PXK: variants seen among roughly 807,000 people sequenced by gnomAD.
PXK encodes the protein PX domain containing serine/threonine kinase like.
A neutral mutation model predicts 84.7 loss-of-function variants in PXK; 35 were observed. That is an observed-to-expected ratio of 0.41 (90% CI 0.32 to 0.55). The LOEUF (loss-of-function observed/expected upper bound fraction) is 0.55, where lower values mean the gene tolerates loss of function less well. Ranked by LOEUF, PXK falls within the 20% of genes least tolerant of loss-of-function variation. The pLI is 0.21. For missense variants in PXK, 634 were observed against 699.7 expected, an observed-to-expected ratio of 0.91 and a Z score of 1.06; for synonymous variants, 253 against 260.8, an observed-to-expected ratio of 0.97 and a Z score of 0.29.
intron 1 of PXK, among the ~76,000 whole-genome samples, chr3:58,339,229 TTTTTTTTTG>T (rs1483026734): frequency 6.3e-5 from 9 of 143,194 alleles, no homozygotes; most frequent in African/African-American, 1.7e-4. Context: ...TTTTTTTTTG[TTTTTTTTTG>T]TTTTTTTTTT....
At chr3:58,335,257 G>A (rs11713310) in intron 1 of PXK, among the ~76,000 whole-genome samples, 98,628 of 151,968 alleles carry the variant, frequency 0.65, 32,504 homozygotes, top group East Asian at 1. Context: ...ACAAAAGACA[G>A]TGACTCACAG....
chr3:58,352,692 T>A (rs2108080336), intron 1 of PXK, among the ~76,000 whole-genome samples: 1 of 152,306 alleles, frequency 6.6e-6, no homozygotes, highest in East Asian at 1.9e-4. Context: ...CTGCAGGAAG[T>A]GGCTATTTAA....
chr3:58,334,959 CTGTGTG>C (rs1160895291), intron 1 of PXK, among the ~76,000 whole-genome samples: 15 of 125,642 alleles, frequency 1.2e-4, no homozygotes, highest in South Asian at 7.9e-4. Context: ...GTGTGTGTGT[CTGTGTG>C]TGTGTGTGTG....
rs1215312506 is a variant in PXK at position 58,411,471 on chromosome 3, A to G, written c.1465+1312A>G. ...GTGGCTGGTGGGTAGTTTCAGTTGGAAGCCTATCTTCGCCATGGTTGATGG... is the reference window on the plus strand; with the variant it reads ...GTGGCTGGTGGGTAGTTTCAGTTGGGAGCCTATCTTCGCCATGGTTGATGG... On this transcript the variant is annotated intron_variant, in intron 16 of 17. Transcript: ENST00000356151. This position sits in a 1 kb window ranked among gnomAD's most constrained non-coding sequence, Gnocchi z 4.2. Among the ~76,000 whole-genome samples the G allele has an allele frequency of 6.6e-6, 1 of 152,140 alleles. No individual in the cohort carries two copies. Among genetic ancestry groups the G allele is most frequent in the Non-Finnish European group, 1.5e-5 (1 of 68,016 alleles).
At chr3:58,335,091 G>A (rs2097570723) in intron 1 of PXK, among the ~76,000 whole-genome samples, 1 of 151,078 alleles carries the variant, frequency 6.6e-6, no homozygotes, top group African/African-American at 2.4e-5. Context: ...GTCCAGGCTG[G>A]TCTGGAACGC....
chr3:58,396,192 T>C (rs1438889772), intron 9 of PXK, among the ~76,000 whole-genome samples: 1 of 152,180 alleles, frequency 6.6e-6, no homozygotes, highest in Non-Finnish European at 1.5e-5. Flanking sequence ...ACCTTATCAG[T>C]AATAACCAAT....
At chr3:58,351,820 T>A (rs2097932306) in intron 1 of PXK, among the ~76,000 whole-genome samples, 1 of 151,948 alleles carries the variant, frequency 6.6e-6, no homozygotes, top group Non-Finnish European at 1.5e-5. Context: ...CTTTTTGTTT[T>A]TTCTGGGTGC....
intron 1 of PXK, among the ~76,000 whole-genome samples, chr3:58,335,959 A>G (rs2097582634): frequency 6.8e-6 from 1 of 147,122 alleles, no homozygotes; most frequent in African/African-American, 2.5e-5. Flanking sequence ...CGTTAAACAC[A>G]TTAGAGGGCG....
rs761732682 is a variant in PXK at position 58,412,009 on chromosome 3, C to A, written c.1466-892C>A. Among the ~76,000 whole-genome samples the A allele has an allele frequency of 6.6e-6, 1 of 152,124 alleles. No individual in the cohort carries two copies. Among genetic ancestry groups the A allele is most frequent in the Admixed American group, 6.5e-5 (1 of 15,278 alleles). ...CTGTGGGTAGTGAGGGAAGTGATGG[C>A]TGGGGCCTTAACCACACCAGCTCTG... On this transcript the variant is annotated intron_variant, in intron 16 of 17. Coordinates refer to ENST00000356151, the MANE Select transcript of PXK (RefSeq NM_017771.5). This position sits in a 1 kb window ranked among gnomAD's most constrained non-coding sequence, Gnocchi z 6.2.
At chr3:58,349,007 A>G (rs1189316418) in intron 1 of PXK, among the ~76,000 whole-genome samples, 1 of 152,146 alleles carries the variant, frequency 6.6e-6, no homozygotes. Flanking sequence ...CTCAATTGGG[A>G]CTAGCCACAT....
chr3:58,335,974 TGCAA>T (rs1490995344), intron 1 of PXK, among the ~76,000 whole-genome samples: 2 of 146,942 alleles, frequency 1.4e-5, no homozygotes, highest in Non-Finnish European at 3.0e-5. Context: ...AGGGCGTTAT[TGCAA>T]GCAAGCTCAT....
At position 58,383,381 on chromosome 3, in the gene PXK, A is replaced by G. The variant is rs529511064; in HGVS notation, c.388+681A>G. Among the ~76,000 whole-genome samples the G allele has an allele frequency of 2.0e-5, 3 of 152,322 alleles. No individual in the cohort carries two copies. The East Asian group carries it at 5.8e-4, about 29-fold the overall frequency. ...GACCTCTAATCAACACCTTATACAT[A>G]CAATAATCTTAATCTGATTTGTATT... On this transcript the variant is annotated intron_variant, in intron 4 of 17. Coordinates refer to ENST00000356151, the MANE Select transcript of PXK (RefSeq NM_017771.5). The surrounding 1 kb of genome is among the most constrained non-coding windows in gnomAD (Gnocchi z 4.0).
At position 58,332,900 on chromosome 3, in the gene PXK, C is replaced by A; in HGVS notation, c.-89C>A. ...CGCGTGGGGCGGCGCGTGTTGACAG[C>A]GGCGGCGGTGGAACCGGGCGGGCGG... On this transcript the variant is annotated 5_prime_UTR_variant, in exon 1 of 18. Transcript: ENST00000356151. This position sits in a 1 kb window ranked among gnomAD's most constrained non-coding sequence, Gnocchi z 5.6. 2.5e-6 allele frequency: 2 copies of A among 809,548 alleles called. No homozygotes were observed. Among genetic ancestry groups the A allele is most frequent in the Non-Finnish European group, 3.2e-6 (2 of 620,666 alleles). The allele number at this position is 809,548 out of a possible 1,614,324, so 50.1% of individuals were successfully genotyped here.
chr3:58,378,071 T>G (rs1045915980), intron 3 of PXK, among the ~76,000 whole-genome samples: 1 of 152,156 alleles, frequency 6.6e-6, no homozygotes, highest in African/African-American at 2.4e-5. Flanking sequence ...AACCGTAAGT[T>G]TATTTTCTGG....
intron 3 of PXK, among the ~76,000 whole-genome samples, chr3:58,372,603 TGTGCCCAGC>T (rs2098391571): frequency 6.7e-6 from 1 of 150,368 alleles, no homozygotes; most frequent in Non-Finnish European, 1.5e-5. Flanking sequence ...ATTACAGGAG[TGTGCCCAGC>T]AAAAGCTGCA....
intron 4 of PXK, among the ~76,000 whole-genome samples, chr3:58,384,615 A>G (rs1039585361): frequency 1.1e-4 from 17 of 152,100 alleles, no homozygotes; most frequent in African/African-American, 3.1e-4. Flanking sequence ...ATTGTTCCCA[A>G]AATTGTCAGA....
At chr3:58,402,554 C>T (rs1281459473) in intron 12 of PXK, among the ~76,000 whole-genome samples, 4 of 151,294 alleles carry the variant, frequency 2.6e-5, no homozygotes, top group South Asian at 2.1e-4. Context: ...CTCAGCCTCC[C>T]GAGTAGCTGG....
chr3:58,421,338 T>C lies in PXK; in HGVS notation c.1529-3414T>C. 1.0e-6 allele frequency: 1 copy of C among 979,610 alleles called. No individual in the cohort carries two copies. Among genetic ancestry groups the C allele is most frequent in the Middle Eastern group, 5.3e-4 (1 of 1,898 alleles). 60.7% of individuals were successfully genotyped at this position (979,610 alleles called of 1,614,324 possible). A position where few individuals can be genotyped will look rare whatever the true frequency, so the allele number is the denominator to read the frequency against. On this transcript the variant is annotated intron_variant, in intron 17 of 17. Coordinates refer to ENST00000356151, the MANE Select transcript of PXK (RefSeq NM_017771.5). This position sits in a 1 kb window ranked among gnomAD's most constrained non-coding sequence, Gnocchi z 5.5. ...GGCTCACATCTATAATCTCAGCACT[T>C]TGGGAGGCTGAGGCGGGCGGATCAC...
chr3:58,417,289 A>G (rs1299782963), intron 17 of PXK, among the ~76,000 whole-genome samples: 1 of 152,230 alleles, frequency 6.6e-6, no homozygotes, highest in African/African-American at 2.4e-5. Flanking sequence ...GCAATAGATC[A>G]GCAGCAATAG....
Sources: allele counts gnomAD v4.1 joint callset (sites outside exome capture counted in the v4.1 genomes callset), GRCh38; gene constraint gnomAD v4.1.1; non-coding constraint Gnocchi (gnomAD v3.1); transcripts MANE v1.5; gene names NCBI Gene and HGNC (gene_info 2026-07-23, HGNC 2026-07-21).